Variants in BRINP3 observed in about 807,000 individuals in gnomAD.
BRINP3 encodes the protein BMP/retinoic acid inducible neural specific 3.
A neutral mutation model predicts 71.0 loss-of-function variants in BRINP3; 19 were observed. That is an observed-to-expected ratio of 0.27 (90% confidence interval 0.19 to 0.39). The LOEUF is 0.39. BRINP3 is among the 10% of genes least tolerant of loss of function. BRINP3 has a pLI of 1.00. For synonymous variants in BRINP3, 380 were observed against 337.7 expected, an observed-to-expected ratio of 1.13 and a Z score of -1.37; for missense variants, 959 against 940.8, an observed-to-expected ratio of 1.02 and a Z score of -0.25.
intron 6 of BRINP3, among the ~76,000 whole-genome samples, chr1:190,215,564 A>T (rs1301395439): frequency 6.6e-6 from 1 of 151,970 alleles, no homozygotes; most frequent in Non-Finnish European, 1.5e-5. Context: ...AATTTAAAAA[A>T]ATTTATTTTT....
chr1:190,282,848 G>A (rs1332471584), intron 2 of BRINP3, among the ~76,000 whole-genome samples: 1 of 152,008 alleles, frequency 6.6e-6, no homozygotes, highest in Non-Finnish European at 1.5e-5. Context: ...CCACTTTGAT[G>A]AGAAATATGA....
chr1:190,392,125 T>A (rs1346133417), intron 2 of BRINP3, among the ~76,000 whole-genome samples: 2 of 151,696 alleles, frequency 1.3e-5, no homozygotes, highest in Non-Finnish European at 3.0e-5. Context: ...TCTGTGTGTC[T>A]GATGATTAAT....
intron 2 of BRINP3, chr1:190,342,283 T>C (rs1667709452): frequency 1.3e-5 from 2 of 149,536 alleles, no homozygotes; most frequent in Non-Finnish European, 3.0e-5. Flanking sequence ...GTTTACTAAG[T>C]AACCTAGCAT....
chr1:190,152,482 A>G (rs959198910), intron 7 of BRINP3, among the ~76,000 whole-genome samples: 3 of 149,484 alleles, frequency 2.0e-5, no homozygotes, highest in Non-Finnish European at 4.5e-5. Flanking sequence ...ACTATTACAT[A>G]CATGCACAAA....
At chr1:190,472,266 G>A (rs1484599368) in intron 1 of BRINP3, among the ~76,000 whole-genome samples, 2 of 151,542 alleles carry the variant, frequency 1.3e-5, no homozygotes, top group Non-Finnish European at 3.0e-5. Context: ...GTACATTAAT[G>A]CCAGGTAGAA....
chr1:190,151,115 C>T (rs551130612), intron 7 of BRINP3, among the ~76,000 whole-genome samples: 1 of 151,934 alleles, frequency 6.6e-6, no homozygotes, highest in Non-Finnish European at 1.5e-5. Context: ...CCACTGCACT[C>T]CATCCTGGGT....
intron 6 of BRINP3, among the ~76,000 whole-genome samples, chr1:190,209,518 A>G (rs1487910649): frequency 1.3e-5 from 2 of 152,092 alleles, no homozygotes; most frequent in Non-Finnish European, 1.5e-5. Context: ...CTAACTTCAA[A>G]TGTGCTGGAA....
chr1:190,223,738 G>A (rs12406050), intron 6 of BRINP3, among the ~76,000 whole-genome samples: 21,494 of 151,596 alleles, frequency 0.14, 2,019 homozygotes, highest in South Asian at 0.27. Flanking sequence ...TCAAATTAGC[G>A]TTGTTTGTAG....
chr1:190,159,875 T>G (rs1224155983), intron 7 of BRINP3, among the ~76,000 whole-genome samples: 1 of 152,098 alleles, frequency 6.6e-6, no homozygotes, highest in Admixed American at 6.6e-5. Flanking sequence ...TTTAAAATTA[T>G]GTACTAACCT....
chr1:190,434,945 T>C (rs1674356404), intron 2 of BRINP3, among the ~76,000 whole-genome samples: 1 of 152,146 alleles, frequency 6.6e-6, no homozygotes. Context: ...ATAGCAGAGA[T>C]TTGGTGACTT....
At chr1:190,427,285 A>C (rs1673775077) in intron 2 of BRINP3, among the ~76,000 whole-genome samples, 1 of 151,922 alleles carries the variant, frequency 6.6e-6, no homozygotes, top group Non-Finnish European at 1.5e-5. Context: ...TTATTTAAAT[A>C]AATTCTTGTG....
chr1:190,424,184 T>C (rs1408153485), intron 2 of BRINP3, among the ~76,000 whole-genome samples: 1 of 151,766 alleles, frequency 6.6e-6, no homozygotes, highest in Non-Finnish European at 1.5e-5. Context: ...TCCTATGTTG[T>C]GAGTTCTAAC....
intron 2 of BRINP3, among the ~76,000 whole-genome samples, chr1:190,388,955 T>C (rs1257815255): frequency 2.6e-5 from 4 of 151,714 alleles, no homozygotes; most frequent in Non-Finnish European, 5.9e-5. Flanking sequence ...TTCTCACTTA[T>C]TTACTGAGCT....
chr1:190,284,371 G>C (rs1663263208), intron 2 of BRINP3, among the ~76,000 whole-genome samples: 1 of 152,002 alleles, frequency 6.6e-6, no homozygotes, highest in African/African-American at 2.4e-5. Context: ...TGTCCATGTT[G>C]CTGGCAATAC....
At chr1:190,263,037 T>C (rs946225156) in intron 4 of BRINP3, among the ~76,000 whole-genome samples, 4 of 152,134 alleles carry the variant, frequency 2.6e-5, no homozygotes, top group Non-Finnish European at 1.5e-5. Flanking sequence ...GTACAAAAAC[T>C]GTTGTATAAT....
intron 1 of BRINP3, among the ~76,000 whole-genome samples, chr1:190,469,771 A>G (rs1340016591): frequency 6.6e-6 from 1 of 151,030 alleles, no homozygotes; most frequent in African/African-American, 2.4e-5. Flanking sequence ...TAAATTGAAT[A>G]TTTAAAAGCA....
intron 4 of BRINP3, among the ~76,000 whole-genome samples, chr1:190,260,483 C>T (rs1397381871): frequency 1.3e-5 from 2 of 151,554 alleles, no homozygotes; most frequent in Non-Finnish European, 2.9e-5. Flanking sequence ...ATAAAATGTG[C>T]AACAATTATG....
At chr1:190,188,145 T>A (rs1240718303) in intron 6 of BRINP3, among the ~76,000 whole-genome samples, 1 of 152,134 alleles carries the variant, frequency 6.6e-6, no homozygotes, top group African/African-American at 2.4e-5. Context: ...GTAAATGTGA[T>A]TTTTAAAATT....
In BRINP3 at chr1:190,192,714, A is replaced by G. The variant is rs191272701; in HGVS notation, c.962-31824T>C. On this transcript the variant is annotated intron_variant, in intron 6 of 7. Coordinates refer to ENST00000367462, the MANE Select transcript of BRINP3 (RefSeq NM_199051.3). ...TAGCAGTGTATTTTCTAGATGCAAG[A>G]AAAAAATATTAAACTGTGACAACAG... Among the ~76,000 whole-genome samples the G allele has an allele frequency of 1.8e-3, 237 of 129,062 alleles. 1 individual carries two copies. Among genetic ancestry groups the G allele is most frequent in the African/African-American group, 6.3e-3 (228 of 36,138 alleles). The allele number at this position is 129,062 out of a possible 152,430, so 84.7% of individuals were successfully genotyped here. A position where few individuals can be genotyped will look rare whatever the true frequency, so the allele number is the denominator to read the frequency against.
Sources: allele counts gnomAD v4.1 joint callset (sites outside exome capture counted in the v4.1 genomes callset), GRCh38; gene constraint gnomAD v4.1.1; transcripts MANE v1.5; gene names NCBI Gene and HGNC (gene_info 2026-07-23, HGNC 2026-07-21).